The following CCDC88C variants were observed in gnomAD, a reference collection of about 807,000 sequenced individuals.
CCDC88C encodes the protein protein Daple.
Under a neutral mutation model 198.8 loss-of-function variants are expected in CCDC88C, and 131 were observed. The observed-to-expected ratio is 0.66, with a 90% CI of 0.57 to 0.76. The LOEUF is 0.76. Ranked by LOEUF, CCDC88C falls within the 30% of genes least tolerant of loss-of-function variation. The probability of loss-of-function intolerance (pLI) is 0.00; values close to 1 mark genes in which losing one functional copy is unlikely to be tolerated. For missense variants in CCDC88C, 2,553 were observed against 2,631.6 expected, an observed-to-expected ratio of 0.97 and a Z score of 0.65; for synonymous variants, 1,166 against 1,114.7, an observed-to-expected ratio of 1.05 and a Z score of -0.92.
chr14:91,365,716 T>C (rs2094109612), intron 3 of CCDC88C, among the ~76,000 whole-genome samples: 1 of 152,068 alleles, frequency 6.6e-6, no homozygotes, highest in African/African-American at 2.4e-5. Context: ...GAGTCAACCA[T>C]CTACTATGCA....
intron 3 of CCDC88C, 94 bp downstream of exon 3, chr14:91,408,565 G>C: frequency 1.3e-6 from 1 of 786,856 alleles, no homozygotes; most frequent in Non-Finnish European, 2.2e-6. Context: ...CTAAACATAA[G>C]CACCGTTTCC....
chr14:91,273,481 G>A lies in CCDC88C; in HGVS notation c.5231C>T (p.Pro1744Leu), dbSNP rs762705123. The A allele has an allele frequency of 8.3e-6, 13 of 1,565,706 alleles. No individual in the cohort carries two copies. The highest frequency in any genetic ancestry group is 1.4e-5 in the African/African-American group (1 of 72,662). ...KMAAPTSEGR[P>L]LKPGQYVKPN... The stretch of plus-strand genomic sequence containing the variant: ...CTTTACGTACTGCCCGGGCTTCAGC[G>A]GCCTCCCCTCCGAGGTGGGGGCGGC... Residue 1744 changes from proline to leucine, a missense_variant, in exon 30 of 30, where the codon CCG (proline) becomes CTG (leucine). Transcript: ENST00000389857. This position sits in a 1 kb window ranked among gnomAD's most constrained non-coding sequence, Gnocchi z 5.6.
intron 3 of CCDC88C, among the ~76,000 whole-genome samples, chr14:91,376,235 G>A (rs1467024736): frequency 6.6e-6 from 1 of 152,170 alleles, no homozygotes; most frequent in African/African-American, 2.4e-5. Flanking sequence ...GGTGCTCGTC[G>A]CCGGGCATAT....
chr14:91,273,484 C>T lies in CCDC88C; in HGVS notation c.5228G>A (p.Arg1743Lys), dbSNP rs2140904497. The change falls in exon 30 of 30, where the codon AGG becomes AAG. Residue 1743 changes from arginine to lysine, a missense_variant. By Grantham distance (26) the Arg-to-Lys change is conservative. Coordinates refer to ENST00000389857, the MANE Select transcript of CCDC88C (RefSeq NM_001080414.4). This position sits in a 1 kb window ranked among gnomAD's most constrained non-coding sequence, Gnocchi z 5.6. ...TACGTACTGCCCGGGCTTCAGCGGC[C>T]TCCCCTCCGAGGTGGGGGCGGCCAT... is the stretch of plus-strand genomic sequence containing the variant. Reference protein sequence around the residue: ...VKMAAPTSEGRPLKPGQYVKP... With the variant: ...VKMAAPTSEGKPLKPGQYVKP... 1 of 1,570,246 alleles carries T rather than the reference C, an allele frequency of 6.4e-7. No individual in the cohort carries two copies. The highest frequency in any genetic ancestry group is 8.6e-7 in the Non-Finnish European group (1 of 1,156,734).
chr14:91,294,181 C>A lies in CCDC88C; in HGVS notation c.4104G>T (p.Lys1368Asn). Residue 1368 changes from lysine (K) to asparagine (N), a missense_variant, in exon 23 of 30, where the codon AAG (lysine) becomes AAT (asparagine). Physicochemically the swap from Lys to Asn is moderately conservative, Grantham distance 94 (BLOSUM62 0). This residue lies in a region of CCDC88C where 1,293 missense variants were observed against 1,219.6 expected (regional missense o/e 1.06). Coordinates refer to ENST00000389857, the MANE Select transcript of CCDC88C (RefSeq NM_001080414.4). ...AGGGACTCCCTGCTTACATGTACTGCTTCTGCTCCTCATGGTACTGCTCCT... is the reference window on the plus strand; with the variant it reads ...AGGGACTCCCTGCTTACATGTACTGATTCTGCTCCTCATGGTACTGCTCCT... ...ENKEQYHEEQ[K>N]QYIDKLNALR... is the part of the protein sequence containing the mutation. 6.2e-7 allele frequency: 1 copy of A among 1,614,008 alleles called. No individual in the cohort carries two copies. Among genetic ancestry groups the A allele is most frequent in the Non-Finnish European group, 8.5e-7 (1 of 1,179,876 alleles).
rs374617235 is a variant in CCDC88C, at chr14:91,313,267, A to G, written c.2549T>C (p.Leu850Pro). The G allele has an allele frequency of 3.1e-6, 5 of 1,613,808 alleles. No homozygotes were observed. Among genetic ancestry groups the G allele is most frequent in the Non-Finnish European group, 4.2e-6 (5 of 1,179,870 alleles). Residue 850 changes from leucine to proline, a missense_variant, in exon 15 of 30, where the codon CTC (leucine) becomes CCC (proline). Coordinates refer to ENST00000389857, the MANE Select transcript of CCDC88C (RefSeq NM_001080414.4). This position sits in a 1 kb window ranked among gnomAD's most constrained non-coding sequence, Gnocchi z 5.2. ...GCTATCGTCCAAGACTGCATCCTTGAGCTCCACCTGCTGCCACAGCCGCTT... is the reference window on the plus strand; with the variant it reads ...GCTATCGTCCAAGACTGCATCCTTGGGCTCCACCTGCTGCCACAGCCGCTT... ...EAKRLWQQVE[L>P]KDAVLDDSTA... is the part of the protein sequence containing the mutation.
intron 27 of CCDC88C, among the ~76,000 whole-genome samples, chr14:91,280,380 A>G (rs1021211449): frequency 9.2e-5 from 14 of 152,202 alleles, no homozygotes; most frequent in Admixed American, 9.2e-4. Flanking sequence ...GCTAGCAAAT[A>G]TGTTTGAAAC....
chr14:91,318,917 CAAAAAAAAA>C (rs61183857), intron 13 of CCDC88C, among the ~76,000 whole-genome samples: 38 of 105,280 alleles, frequency 3.6e-4, no homozygotes, highest in Middle Eastern at 5.3e-3. Context: ...AGACTCCGTC[CAAAAAAAAA>C]AAAAAAAAAA....
chr14:91,317,106 C>A (rs908856623), intron 13 of CCDC88C, among the ~76,000 whole-genome samples: 4 of 152,216 alleles, frequency 2.6e-5, no homozygotes, highest in African/African-American at 4.8e-5. Flanking sequence ...AATAAGGATT[C>A]TTTTTCCTTC....
In CCDC88C at chr14:91,290,984, A is replaced by G. The variant is rs1567053339; in HGVS notation, c.4202+11T>C. The stretch of plus-strand genomic sequence containing the variant: ...TTCTGTCTTTATGCCACTACACTTA[A>G]ATCAACTCACTTCTTTGGAGGAGGA... On this transcript the variant is annotated intron_variant, in intron 24 of 29. Coordinates refer to ENST00000389857, the MANE Select transcript of CCDC88C (RefSeq NM_001080414.4). 4 of 1,528,688 alleles carry G rather than the reference A, an allele frequency of 2.6e-6. No individual in the cohort carries two copies. Among genetic ancestry groups the G allele is most frequent in the Non-Finnish European group, 3.6e-6 (4 of 1,111,512 alleles). The allele number at this position is 1,528,688 out of a possible 1,614,324, so 94.7% of individuals were successfully genotyped here. A position where few individuals can be genotyped will look rare whatever the true frequency, so the allele number is the denominator to read the frequency against.
chr14:91,349,875 A>G (rs955668662), intron 4 of CCDC88C, among the ~76,000 whole-genome samples: 2 of 152,234 alleles, frequency 1.3e-5, no homozygotes, highest in Non-Finnish European at 2.9e-5. Flanking sequence ...CACAATTAAA[A>G]TACACCATCC....
intron 29 of CCDC88C, among the ~76,000 whole-genome samples, chr14:91,277,348 T>C (rs933877941): frequency 2.6e-5 from 4 of 152,180 alleles, no homozygotes; most frequent in African/African-American, 9.7e-5. Flanking sequence ...AAAAGAAATT[T>C]TGTAAAAACG....
rs906916075 is a variant in CCDC88C at position 91,381,400 on chromosome 14, C to T, written c.271-21689G>A. Among the ~76,000 whole-genome samples, 2 of 152,204 alleles carry T rather than the reference C, an allele frequency of 1.3e-5. No individual in the cohort carries two copies. The highest frequency in any genetic ancestry group is 4.8e-5 in the African/African-American group (2 of 41,448). ...TTTAGGATGTGATCTTCTCTATATT[C>T]TCTATGCCCACGAAAGTTGCATCCT... On this transcript the variant is annotated intron_variant, in intron 3 of 29. Transcript: ENST00000389857. This position sits in a 1 kb window ranked among gnomAD's most constrained non-coding sequence, Gnocchi z 4.2.
intron 21 of CCDC88C, 130 bp downstream of exon 21, chr14:91,299,797 C>G: frequency 8.1e-7 from 1 of 1,239,522 alleles, no homozygotes; most frequent in South Asian, 1.7e-5. Flanking sequence ...ACCCACCCAG[C>G]TGTTCACACA....
intron 5 of CCDC88C, 140 bp downstream of exon 5, chr14:91,343,459 C>T (rs1460891748): frequency 1.4e-6 from 2 of 1,436,566 alleles, no homozygotes; most frequent in African/African-American, 2.9e-5. Flanking sequence ...CCACTCTCTT[C>T]CAGGAACCCA....
At chr14:91,315,923 C>G (rs1835541931) in intron 13 of CCDC88C, 136 bp from the exon 14 acceptor site, 3 of 817,244 alleles carry the variant, frequency 3.7e-6, no homozygotes, top group Non-Finnish European at 5.7e-6. Flanking sequence ...TGACATCATT[C>G]TGTAGCAACT....
chr14:91,377,554 CG>C (rs1884512649), intron 3 of CCDC88C, among the ~76,000 whole-genome samples: 3 of 152,104 alleles, frequency 2.0e-5, no homozygotes, highest in African/African-American at 7.2e-5. Context: ...GGCCCCCCCC[CG>C]GTGCCACTTC....
intron 3 of CCDC88C, among the ~76,000 whole-genome samples, chr14:91,405,967 G>A (rs1327682841): frequency 6.6e-6 from 1 of 152,156 alleles, no homozygotes; most frequent in Non-Finnish European, 1.5e-5. Flanking sequence ...GACTGCCAGC[G>A]CACACCAGCC....
chr14:91,390,385 C>T (rs982952757), intron 3 of CCDC88C, among the ~76,000 whole-genome samples: 15 of 152,242 alleles, frequency 9.9e-5, no homozygotes, highest in Non-Finnish European at 1.6e-4. Flanking sequence ...AGGGTGGGGA[C>T]TCTTCTCACT....
Sources: gnomAD v4.1 joint callset for allele counts (sites outside exome capture counted in the v4.1 genomes callset) on GRCh38, gnomAD v4.1.1 for gene constraint, gnomAD v4.1.1 regional missense constraint, Gnocchi (gnomAD v3.1) non-coding constraint, MANE v1.5 for transcripts, NCBI Gene and HGNC (gene_info 2026-07-23, HGNC 2026-07-21) for gene names.